Variants in BCAR3 observed in about 807,000 individuals in gnomAD.
The protein encoded by BCAR3 is breast cancer anti-estrogen resistance protein 3.
A neutral mutation model predicts 80.1 loss-of-function variants in BCAR3; 37 were observed. The ratio of observed to expected loss-of-function variants is 0.46; its 90% CI spans 0.36 to 0.61. The LOEUF (loss-of-function observed/expected upper bound fraction) is 0.61. Ranked by LOEUF, BCAR3 falls within the 20% of genes least tolerant of loss-of-function variation. BCAR3 has a pLI of 0.00. For missense variants in BCAR3, 978 were observed against 1,068.2 expected (o/e 0.92, Z 1.18); for synonymous variants, 389 against 418.9 (o/e 0.93, Z 0.87).
At chr1:93,832,630 C>T (rs185424697) in intron 2 of BCAR3, among the ~76,000 whole-genome samples, 272 of 152,264 alleles carry the variant, frequency 1.8e-3, no homozygotes, top group Non-Finnish European at 3.1e-3. Context: ...TTAATCAATA[C>T]GGAGGCTACC....
intron 2 of BCAR3, among the ~76,000 whole-genome samples, chr1:93,662,766 G>C (rs531310623): frequency 6.6e-6 from 1 of 152,262 alleles, no homozygotes; most frequent in Non-Finnish European, 1.5e-5. Flanking sequence ...GCAAAGCCCT[G>C]ATAGCTACTA....
intron 2 of BCAR3, among the ~76,000 whole-genome samples, chr1:93,758,225 C>A (rs950248302): frequency 1.6e-4 from 24 of 152,176 alleles, no homozygotes; most frequent in African/African-American, 5.3e-4. Context: ...CTGTCAGAGA[C>A]CAGAGAAAGA....
At chr1:93,730,757 A>T (rs1650756879) in intron 2 of BCAR3, among the ~76,000 whole-genome samples, 1 of 152,232 alleles carries the variant, frequency 6.6e-6, no homozygotes, top group African/African-American at 2.4e-5. Context: ...TCCCCTACAG[A>T]AGATTCCAAG....
At chr1:93,781,655 C>T (rs1275570963) in intron 2 of BCAR3, among the ~76,000 whole-genome samples, 1 of 152,188 alleles carries the variant, frequency 6.6e-6, no homozygotes, top group Non-Finnish European at 1.5e-5. Flanking sequence ...CCTTGCCTAT[C>T]TACAAAGCCC....
At chr1:93,846,982 G>T in intron 1 of BCAR3, 1 of 212,882 alleles carries the variant, frequency 4.7e-6, no homozygotes, top group East Asian at 5.9e-4. Flanking sequence ...GCGCGGCGGC[G>T]CTCGCGCGCA....
At chr1:93,702,905 C>T (rs923726955) in intron 3 of BCAR3, among the ~76,000 whole-genome samples, 9 of 152,228 alleles carry the variant, frequency 5.9e-5, no homozygotes, top group Admixed American at 5.2e-4. Flanking sequence ...ATGTCAGAGG[C>T]TTCAGACCTG....
chr1:93,600,051 AG>A (rs1674570552), intron 3 of BCAR3, among the ~76,000 whole-genome samples: 1 of 152,190 alleles, frequency 6.6e-6, no homozygotes, highest in Non-Finnish European at 1.5e-5. Flanking sequence ...TTTTAGTCCA[AG>A]GGTGCTCCAG....
chr1:93,589,877 C>A (rs915798684), intron 4 of BCAR3, among the ~76,000 whole-genome samples: 2 of 152,092 alleles, frequency 1.3e-5, no homozygotes, highest in African/African-American at 4.8e-5. Context: ...TTTATACAGA[C>A]CTGAATGATG....
chr1:93,573,639 T>A (rs78742567), intron 8 of BCAR3, among the ~76,000 whole-genome samples: 58,293 of 138,144 alleles, frequency 0.42, 13,806 homozygotes, highest in Middle Eastern at 0.52. Context: ...TATTATTTTT[T>A]TTTTTTTGAG....
Position 93,661,580 on chromosome 1 carries a change from C to T in BCAR3, c.317+13034G>A, listed in dbSNP as rs184846878. On this transcript the variant is annotated intron_variant, in intron 2 of 11. Coordinates refer to ENST00000260502, the MANE Select transcript of BCAR3 (RefSeq NM_003567.4). Reference sequence around the variant, plus strand: ...TCCGCTCACTGCAACCTCTGCCTCCCGAGCTCCAGAGATTCTCCTGCCTCT... The same window carrying T: ...TCCGCTCACTGCAACCTCTGCCTCCTGAGCTCCAGAGATTCTCCTGCCTCT... Among the ~76,000 whole-genome samples, 576 of 152,078 alleles carry T rather than the reference C, an allele frequency of 3.8e-3. 6 individuals are homozygous for T. The highest frequency in any genetic ancestry group is 0.027 in the Admixed American group (408 of 15,262).
chr1:93,821,897 G>A (rs944619430), intron 2 of BCAR3, among the ~76,000 whole-genome samples: 2 of 152,198 alleles, frequency 1.3e-5, no homozygotes, highest in African/African-American at 4.8e-5. Flanking sequence ...CAGCCTGTAA[G>A]CATGAGAGCT....
At chr1:93,635,762 T>C (rs1437630543) in intron 3 of BCAR3, among the ~76,000 whole-genome samples, 4 of 152,218 alleles carry the variant, frequency 2.6e-5, no homozygotes, top group African/African-American at 9.6e-5. Flanking sequence ...CGGCCCATTA[T>C]TTGGTTCATA....
intron 3 of BCAR3, among the ~76,000 whole-genome samples, chr1:93,597,439 A>G (rs1303491137): frequency 6.6e-6 from 1 of 152,218 alleles, no homozygotes; most frequent in Non-Finnish European, 1.5e-5. Flanking sequence ...GATATCAAAA[A>G]GTGTTACAGC....
chr1:93,596,117 A>C (rs1163571671), intron 3 of BCAR3, among the ~76,000 whole-genome samples: 1 of 152,192 alleles, frequency 6.6e-6, no homozygotes, highest in African/African-American at 2.4e-5. Context: ...AATTGATCTA[A>C]GTTCTAATTT....
chr1:93,587,529 G>A (rs969892454), intron 5 of BCAR3, among the ~76,000 whole-genome samples: 5 of 152,130 alleles, frequency 3.3e-5, no homozygotes, highest in East Asian at 3.8e-4. Flanking sequence ...ATGTGGAGCC[G>A]GCATTTGTGC....
chr1:93,635,563 G>C (rs1207297665), intron 3 of BCAR3, among the ~76,000 whole-genome samples: 5 of 152,192 alleles, frequency 3.3e-5, no homozygotes, highest in African/African-American at 1.2e-4. Context: ...TATTTGCAGA[G>C]AATGTTTTTG....
chr1:93,659,059 G>GTA (rs903989752), intron 2 of BCAR3, among the ~76,000 whole-genome samples: 1 of 152,214 alleles, frequency 6.6e-6, no homozygotes, highest in Admixed American at 6.5e-5. Context: ...ATTTGCATGT[G>GTA]TATATGGCCT....
At chr1:93,712,510 A>C (rs150637685) in intron 2 of BCAR3, among the ~76,000 whole-genome samples, 3 of 152,266 alleles carry the variant, frequency 2.0e-5, no homozygotes, top group Non-Finnish European at 4.4e-5. Context: ...TGTACTCTCC[A>C]GCCATCATAA....
chr1:93,778,410 C>T (rs6692107), intron 2 of BCAR3, among the ~76,000 whole-genome samples: 17,830 of 152,042 alleles, frequency 0.12, 1,468 homozygotes, highest in African/African-American at 0.22. Context: ...TGGTTTCTAT[C>T]AACATTAGCC....
Sources: allele counts gnomAD v4.1 joint callset (sites outside exome capture counted in the v4.1 genomes callset), GRCh38; gene constraint gnomAD v4.1.1; transcripts MANE v1.5; gene names NCBI Gene and HGNC (gene_info 2026-07-23, HGNC 2026-07-21).